GAB2: variants seen among roughly 807,000 people sequenced by gnomAD.
GAB2 encodes GRB2 associated binding protein 2.
A neutral mutation model predicts 65.5 loss-of-function variants in GAB2; 26 were observed. The ratio of observed to expected loss-of-function variants is 0.40; its 90% confidence interval spans 0.29 to 0.55. The LOEUF (loss-of-function observed/expected upper bound fraction) is 0.55, where lower values mean the gene tolerates loss of function less well. Ranked by LOEUF, GAB2 falls within the 20% of genes least tolerant of loss-of-function variation. The pLI, the probability that GAB2 is intolerant of heterozygous loss-of-function variation, is 0.53. For missense variants in GAB2, 884 were observed against 875.8 expected, an observed-to-expected ratio of 1.01 and a Z score of -0.12; for synonymous variants, 321 against 329.6, an observed-to-expected ratio of 0.97 and a Z score of 0.28.
At chr11:78,271,167 G>A (rs1866000495) in intron 2 of GAB2, among the ~76,000 whole-genome samples, 1 of 152,232 alleles carries the variant, frequency 6.6e-6, no homozygotes, top group African/African-American at 2.4e-5. Flanking sequence ...CTCTTTTTGT[G>A]TGTAGTACAT....
intron 1 of GAB2, among the ~76,000 whole-genome samples, chr11:78,342,710 C>A (rs928942288): frequency 6.6e-6 from 1 of 152,124 alleles, no homozygotes; most frequent in Admixed American, 6.5e-5. Context: ...GCCTGGCCTG[C>A]ACTTCTTGTT....
chr11:78,382,908 C>G (rs539332059), intron 1 of GAB2, among the ~76,000 whole-genome samples: 118 of 152,320 alleles, frequency 7.7e-4, no homozygotes, highest in Non-Finnish European at 1.3e-3. Flanking sequence ...GATAGAGGTT[C>G]TGGCCTCTCA....
intron 1 of GAB2, among the ~76,000 whole-genome samples, chr11:78,291,294 C>CAAAAA (rs397848614): frequency 4.7e-4 from 49 of 103,824 alleles, no homozygotes; most frequent in African/African-American, 1.7e-3. Flanking sequence ...ACTAAAACGA[C>CAAAAA]AAAAAAAAAA....
chr11:78,220,081 G>A (rs1347452656), intron 9 of GAB2, among the ~76,000 whole-genome samples: 1 of 152,176 alleles, frequency 6.6e-6, no homozygotes, highest in Non-Finnish European at 1.5e-5. Context: ...CTACAACACG[G>A]GGGATGGGCT....
Position 78,226,905 on chromosome 11 carries a change from C to T in GAB2, c.767G>A (p.Arg256Gln), listed in dbSNP as rs769955028. 15 of 1,613,890 alleles carry T rather than the reference C, an allele frequency of 9.3e-6. No individual in the cohort carries two copies. The highest frequency in any genetic ancestry group is 3.3e-5 in the Admixed American group (2 of 59,994). Residue 256 changes from arginine (R) to glutamine (Q), a missense_variant, in exon 4 of 10, where the codon CGG becomes CAG. By Grantham distance (43) the Arg-to-Gln change is conservative. Transcript: ENST00000361507. Reference protein sequence around the residue: ...HGFYSLPKPSRHNTEFRDSTY... With the variant: ...HGFYSLPKPSQHNTEFRDSTY... ...ACTGTCTCTGAATTCTGTATTGTGCCGGCTCGGCTTGGGAAGGCTATAGAA... is the reference window on the plus strand; with the variant it reads ...ACTGTCTCTGAATTCTGTATTGTGCTGGCTCGGCTTGGGAAGGCTATAGAA...
At chr11:78,327,552 A>T (rs1030856920) in intron 1 of GAB2, among the ~76,000 whole-genome samples, 1 of 152,170 alleles carries the variant, frequency 6.6e-6, no homozygotes, top group Non-Finnish European at 1.5e-5. Context: ...ATATTCATGA[A>T]GTGTTTGGGA....
rs115712762 is a variant in GAB2 at position 78,316,046 on chromosome 11, C to G, written c.76-35145G>C. Reference sequence around the variant, plus strand: ...TTCCTTCTCCCCACTCCCCCTCCCCCTGCCATATTGGATGCTTCCTCCCGC... The same window carrying G: ...TTCCTTCTCCCCACTCCCCCTCCCCGTGCCATATTGGATGCTTCCTCCCGC... On this transcript the variant is annotated intron_variant, in intron 1 of 9. Coordinates refer to ENST00000361507, the MANE Select transcript of GAB2 (RefSeq NM_080491.3). Among the ~76,000 whole-genome samples, 714 of 152,286 alleles carry G rather than the reference C, an allele frequency of 4.7e-3. 4 individuals carry two copies. The highest frequency in any genetic ancestry group is 0.017 in the African/African-American group (690 of 41,558).
intron 1 of GAB2, among the ~76,000 whole-genome samples, chr11:78,301,596 G>A (rs1185104146): frequency 6.6e-6 from 1 of 152,196 alleles, no homozygotes; most frequent in Non-Finnish European, 1.5e-5. Context: ...GCCTCTCAAA[G>A]TGTTGGGATT....
intron 1 of GAB2, among the ~76,000 whole-genome samples, chr11:78,406,164 G>A (rs1035764540): frequency 6.6e-6 from 1 of 152,200 alleles, no homozygotes; most frequent in African/African-American, 2.4e-5. Flanking sequence ...ATGGGAAGTT[G>A]GAACCTTAAA....
At chr11:78,326,531 C>T (rs1297861370) in intron 1 of GAB2, among the ~76,000 whole-genome samples, 1 of 152,144 alleles carries the variant, frequency 6.6e-6, no homozygotes, top group Non-Finnish European at 1.5e-5. Context: ...CATGAAAGCA[C>T]TCTGAAGGGC....
At position 78,383,581 on chromosome 11, in the gene GAB2, C is replaced by CAAAAAAAAAAAAAAAAAAAAAAAAAA. The variant is rs534814220; in HGVS notation, c.75+34064_75+34065insTTTTTTTTTTTTTTTTTTTTTTTTTT. On this transcript the variant is annotated intron_variant, in intron 1 of 9. Coordinates refer to ENST00000361507, the MANE Select transcript of GAB2 (RefSeq NM_080491.3). ...GCAACATGGCAAAACCCTGTCTCTC[C>CAAAAAAAAAAAAAAAAAAAAAAAAAA]AAAAAAAAAAAAAAAAAAATACAAA... 8.5e-4 allele frequency among the ~76,000 whole-genome samples: 47 copies of CAAAAAAAAAAAAAAAAAAAAAAAAAA among 55,542 alleles called. 1 individual carries two copies. The highest frequency in any genetic ancestry group is 1.7e-3 in the African/African-American group (27 of 15,554). 36.4% of individuals were successfully genotyped at this position (55,542 alleles called of 152,430 possible). A position where few individuals can be genotyped will look rare whatever the true frequency, so the allele number is the denominator to read the frequency against.
rs145573768 is a variant in GAB2, at chr11:78,220,420, C to A, written c.1786G>T (p.Val596Phe). 2.5e-6 allele frequency: 4 copies of A among 1,587,344 alleles called. No individual in the cohort carries two copies. Among genetic ancestry groups the A allele is most frequent in the Non-Finnish European group, 2.6e-6 (3 of 1,160,408 alleles). ...PMQNPVSASP[V>F]PSGTNSPAPK... ...GCAGGACTGTTCGTGCCACTGGGAA[C>A]GGGAGATGCAGACACTGGGTTTTGC... The change falls in exon 9 of 10, where the codon GTT becomes TTT. Residue 596 changes from valine (V) to phenylalanine (F), a missense_variant. Physicochemically the swap from Val to Phe is conservative, Grantham distance 50. Coordinates refer to ENST00000361507, the MANE Select transcript of GAB2 (RefSeq NM_080491.3).
chr11:78,236,371 G>A (rs969008368), intron 3 of GAB2, among the ~76,000 whole-genome samples: 7 of 152,072 alleles, frequency 4.6e-5, no homozygotes, highest in African/African-American at 1.2e-4. Context: ...GGCTGGTCTC[G>A]AACTCTTGAG....
At chr11:78,332,846 C>T (rs1855938110) in intron 1 of GAB2, among the ~76,000 whole-genome samples, 1 of 152,182 alleles carries the variant, frequency 6.6e-6, no homozygotes, top group Non-Finnish European at 1.5e-5. Context: ...ATGGAGTTCC[C>T]TCATGCCCTA....
intron 1 of GAB2, among the ~76,000 whole-genome samples, chr11:78,385,741 GA>G (rs1228601582): frequency 7.2e-5 from 11 of 152,150 alleles, no homozygotes; most frequent in Non-Finnish European, 1.5e-5. Flanking sequence ...CCAAACTGAG[GA>G]AAGTTACCAT....
At chr11:78,386,165 A>G (rs1009250682) in intron 1 of GAB2, among the ~76,000 whole-genome samples, 4 of 152,208 alleles carry the variant, frequency 2.6e-5, no homozygotes, top group Non-Finnish European at 5.9e-5. Context: ...CAGTTTCAAT[A>G]GCTATCATTC....
intron 3 of GAB2, among the ~76,000 whole-genome samples, chr11:78,240,508 G>T (rs534639106): frequency 1.3e-5 from 2 of 151,686 alleles, no homozygotes; most frequent in Non-Finnish European, 2.9e-5. Context: ...GTTGAGATAC[G>T]CCTCTCCCTG....
intron 1 of GAB2, among the ~76,000 whole-genome samples, chr11:78,353,486 T>G (rs1189808625): frequency 6.6e-6 from 1 of 152,156 alleles, no homozygotes; most frequent in Non-Finnish European, 1.5e-5. Flanking sequence ...GGCCCAACAA[T>G]GTATATTTTA....
chr11:78,299,482 T>C (rs1866933486), intron 1 of GAB2, among the ~76,000 whole-genome samples: 1 of 152,202 alleles, frequency 6.6e-6, no homozygotes, highest in Non-Finnish European at 1.5e-5. Flanking sequence ...AGTCTGGTGC[T>C]TTCTGGAGAG....
Sources: allele counts gnomAD v4.1 joint callset (sites outside exome capture counted in the v4.1 genomes callset), GRCh38; gene constraint gnomAD v4.1.1; transcripts MANE v1.5; gene names NCBI Gene and HGNC (gene_info 2026-07-23, HGNC 2026-07-21).